SLC14A2: variants seen among roughly 807,000 people sequenced by gnomAD.
SLC14A2 encodes urea transporter 2.
In SLC14A2, 91 loss-of-function variants were observed where a neutral mutation model predicts 104.6. That is an observed-to-expected ratio of 0.87 (90% CI 0.73 to 1.04). The LOEUF (loss-of-function observed/expected upper bound fraction) is 1.04. SLC14A2 is among the 50% of genes least tolerant of loss of function. The pLI is 0.00. For missense variants in SLC14A2, 1,189 were observed against 1,156.0 expected (o/e 1.03, Z -0.41); for synonymous variants, 476 against 466.4 (o/e 1.02, Z -0.27).
intron 1 of SLC14A2, among the ~76,000 whole-genome samples, chr18:45,330,416 G>A (rs1013817290): frequency 5.9e-5 from 9 of 152,182 alleles, no homozygotes; most frequent in Admixed American, 1.3e-4. Flanking sequence ...CAGAGCACAC[G>A]GCCTTCTGAT....
At chr18:45,601,686 C>T (rs935328821) in intron 2 of SLC14A2, among the ~76,000 whole-genome samples, 16 of 152,204 alleles carry the variant, frequency 1.1e-4, no homozygotes, top group African/African-American at 3.9e-4. Flanking sequence ...TCTAAATGAA[C>T]ATCATTGAGG....
intron 2 of SLC14A2, among the ~76,000 whole-genome samples, chr18:45,572,924 G>A (rs139063728): frequency 3.2e-4 from 49 of 152,254 alleles, no homozygotes; most frequent in African/African-American, 8.9e-4. Context: ...TTATTTGATC[G>A]TTAAGACGAC....
At chr18:45,626,509 TC>T (rs963672152) in intron 3 of SLC14A2, among the ~76,000 whole-genome samples, 2 of 152,174 alleles carry the variant, frequency 1.3e-5, no homozygotes, top group African/African-American at 4.8e-5. Flanking sequence ...TTCCCTAGTG[TC>T]TTTTCTTCAG....
intron 10 of SLC14A2, among the ~76,000 whole-genome samples, chr18:45,659,896 A>G (rs1429465507): frequency 6.6e-6 from 1 of 150,468 alleles, no homozygotes; most frequent in Non-Finnish European, 1.5e-5. Context: ...AGGCCGAGGC[A>G]GGAGGACCAC....
chr18:45,222,633 A>G (rs1315560467), intron 1 of SLC14A2, among the ~76,000 whole-genome samples: 2 of 152,192 alleles, frequency 1.3e-5, no homozygotes, highest in African/African-American at 4.8e-5. Context: ...GGTGTGAACA[A>G]GAAGGCAGAG....
At chr18:45,271,311 A>AT (rs1418868625) in intron 1 of SLC14A2, among the ~76,000 whole-genome samples, 1 of 152,100 alleles carries the variant, frequency 6.6e-6, no homozygotes, top group East Asian at 1.9e-4. Flanking sequence ...AGCAATGGTT[A>AT]TTTTTTCCTT....
chr18:45,195,046 T>C, the SLC14A2 span, among the ~76,000 whole-genome samples: 4 of 152,198 alleles, frequency 2.6e-5, no homozygotes, highest in Admixed American at 6.5e-5. Flanking sequence ...CGCACTTCCA[T>C]AAAGGCAAAC....
rs1397876936 is a variant in SLC14A2 at position 45,663,194 on chromosome 18, G to A, written c.1352-591G>A. Among the ~76,000 whole-genome samples, 3 of 152,164 alleles carry A rather than the reference G, an allele frequency of 2.0e-5. 1 individual carries two copies. Among genetic ancestry groups the A allele is most frequent in the Admixed American group, 2.0e-4 (3 of 15,274 alleles). ...AGTCTTGGTTAAGGCCTGAGATTCTGCATTTCTAACAAGCTCCCAGGCAGA... is the reference window on the plus strand; with the variant it reads ...AGTCTTGGTTAAGGCCTGAGATTCTACATTTCTAACAAGCTCCCAGGCAGA... On this transcript the variant is annotated intron_variant, in intron 10 of 19. Transcript: ENST00000255226.
intron 1 of SLC14A2, among the ~76,000 whole-genome samples, chr18:45,378,517 A>G (rs1165424338): frequency 1.5e-4 from 23 of 152,208 alleles, no homozygotes; most frequent in Admixed American, 1.5e-3. Flanking sequence ...AGCAGAAAGC[A>G]TTTGGGGTTG....
In SLC14A2 at chr18:45,642,538, G is replaced by A. The variant is rs150573896; in HGVS notation, c.1127-594G>A. On this transcript the variant is annotated intron_variant, in intron 8 of 19. Transcript: ENST00000255226. ...AGAAGGAGAAAGAGCAAAGCTGCAG[G>A]CAGAAGGAGTTTGTCCAGAGGCACC... Among the ~76,000 whole-genome samples the A allele has an allele frequency of 3.3e-3, 501 of 152,318 alleles. 3 individuals carry two copies. Among genetic ancestry groups the A allele is most frequent in the African/African-American group, 0.011 (474 of 41,572 alleles).
chr18:45,293,817 A>G lies in SLC14A2; in HGVS notation c.-125+80626A>G, dbSNP rs1599650295. Among the ~76,000 whole-genome samples the G allele has an allele frequency of 2.0e-5, 3 of 152,344 alleles. No individual in the cohort carries two copies. The East Asian group carries it at 5.8e-4, about 29-fold the overall frequency. On this transcript the variant is annotated intron_variant, in intron 1 of 20. Coordinates refer to the SLC14A2 transcript ENST00000586448. ...TTGCAAAACTCCTCTGCAGAAGACA[A>G]CATAGCTTAGTAAGCACTTAAAAAA...
intron 1 of SLC14A2, among the ~76,000 whole-genome samples, chr18:45,455,715 C>G (rs1283311789): frequency 6.6e-6 from 1 of 151,824 alleles, no homozygotes; most frequent in African/African-American, 2.4e-5. Context: ...GACATTGGGA[C>G]TAGAGTAATG....
At chr18:45,546,026 C>G (rs534839042) in intron 2 of SLC14A2, among the ~76,000 whole-genome samples, 2 of 152,110 alleles carry the variant, frequency 1.3e-5, no homozygotes, top group African/African-American at 2.4e-5. Flanking sequence ...TTTTGGGAAC[C>G]TTTTGTATAT....
intron 2 of SLC14A2, among the ~76,000 whole-genome samples, chr18:45,516,574 G>A (rs1383181724): frequency 2.0e-5 from 3 of 152,190 alleles, no homozygotes; most frequent in African/African-American, 7.2e-5. Flanking sequence ...CCTTTTATAT[G>A]CAGGGGAGGA....
intron 1 of SLC14A2, among the ~76,000 whole-genome samples, chr18:45,224,077 T>C (rs1032585588): frequency 3.9e-5 from 6 of 152,210 alleles, no homozygotes; most frequent in Non-Finnish European, 7.3e-5. Context: ...ATAATAAAGT[T>C]TCAGCATAAT....
intron 1 of SLC14A2, among the ~76,000 whole-genome samples, chr18:45,405,355 T>G (rs529427858): frequency 6.6e-6 from 1 of 152,302 alleles, no homozygotes; most frequent in Non-Finnish European, 1.5e-5. Context: ...CTAGGCACTA[T>G]GTACCTCAGT....
intron 1 of SLC14A2, among the ~76,000 whole-genome samples, chr18:45,254,121 C>T (rs1013575457): frequency 5.3e-5 from 8 of 152,194 alleles, no homozygotes. Flanking sequence ...ATCACACAGC[C>T]AGGCAGTGTC....
At chr18:45,403,610 A>G (rs748765701) in intron 1 of SLC14A2, among the ~76,000 whole-genome samples, 9 of 152,180 alleles carry the variant, frequency 5.9e-5, no homozygotes, top group Non-Finnish European at 1.3e-4. Context: ...GGCAACAGGC[A>G]GGACTTAATT....
intron 1 of SLC14A2, among the ~76,000 whole-genome samples, chr18:45,426,062 A>G (rs550823804): frequency 2.0e-5 from 3 of 152,104 alleles, no homozygotes; most frequent in African/African-American, 4.8e-5. Flanking sequence ...GGGGAAGTCT[A>G]TGTTCTGAAA....
Sources: gnomAD v4.1 joint callset for allele counts (sites outside exome capture counted in the v4.1 genomes callset) on GRCh38, gnomAD v4.1.1 for gene constraint, MANE v1.5 for transcripts, NCBI Gene and HGNC (gene_info 2026-07-23, HGNC 2026-07-21) for gene names.